HRH1: variants seen among roughly 807,000 people sequenced by gnomAD.
HRH1 encodes the protein histamine H1 receptor.
HRH1 carries 6 observed loss-of-function variants against 10.3 expected under a neutral mutation model. The observed-to-expected ratio is 0.58, with a 90% CI of 0.32 to 1.15. The LOEUF (loss-of-function observed/expected upper bound fraction) is 1.15. HRH1 is among the 50% of genes most tolerant of loss of function. The pLI, the probability that HRH1 is intolerant of heterozygous loss-of-function variation, is 0.05. For missense variants in HRH1, 514 were observed against 615.3 expected, an observed-to-expected ratio of 0.84 and a Z score of 1.74; for synonymous variants, 242 against 236.7, an observed-to-expected ratio of 1.02 and a Z score of -0.21.
At chr3:11,140,601 G>T (rs138825221) in intron 1 of HRH1, among the ~76,000 whole-genome samples, 1 of 152,120 alleles carries the variant, frequency 6.6e-6, no homozygotes, top group Non-Finnish European at 1.5e-5. Context: ...CCCTGCTCGC[G>T]GGTGACCTCT....
At chr3:11,160,552 C>G (rs1423353197) in intron 1 of HRH1, among the ~76,000 whole-genome samples, 2 of 139,248 alleles carry the variant, frequency 1.4e-5, no homozygotes, top group Non-Finnish European at 3.0e-5. Context: ...ACATACTTAA[C>G]CAAGGTCCTC....
chr3:11,174,303 GA>G (rs1369959667), intron 1 of HRH1, among the ~76,000 whole-genome samples: 2 of 152,196 alleles, frequency 1.3e-5, no homozygotes, highest in Admixed American at 6.5e-5. Context: ...ACCTTCTAGG[GA>G]TTTCTAATAA....
intron 1 of HRH1, among the ~76,000 whole-genome samples, chr3:11,180,598 C>T (rs1937333716): frequency 6.6e-6 from 1 of 152,078 alleles, no homozygotes; most frequent in Non-Finnish European, 1.5e-5. Flanking sequence ...GGTTGGGTAC[C>T]CCTGTCCTAT....
At chr3:11,192,170 CGTT>C (rs1258371156) in intron 1 of HRH1, among the ~76,000 whole-genome samples, 3 of 152,304 alleles carry the variant, frequency 2.0e-5, no homozygotes, top group African/African-American at 7.2e-5. Flanking sequence ...AGTATACACA[CGTT>C]GTATGCACAG....
At chr3:11,152,768 A>G (rs1052965190), upstream of HRH1, among the ~76,000 whole-genome samples, 1 of 152,016 alleles carries the variant, frequency 6.6e-6, no homozygotes, top group Admixed American at 6.5e-5. Flanking sequence ...GGTAAAGTGT[A>G]AAATATGGAG....
At chr3:11,190,282 C>T (rs921144049) in intron 1 of HRH1, among the ~76,000 whole-genome samples, 11 of 151,860 alleles carry the variant, frequency 7.2e-5, no homozygotes, top group African/African-American at 1.7e-4. Context: ...GAGGCCAAGG[C>T]GGGAGGATTG....
intron 1 of HRH1, among the ~76,000 whole-genome samples, chr3:11,211,572 A>C (rs540844072): frequency 2.6e-5 from 4 of 152,352 alleles, no homozygotes; most frequent in African/African-American, 9.6e-5. Flanking sequence ...TCCAAGACCC[A>C]GGGCAGCTCC....
At chr3:11,140,281 AAGG>A (rs1936266959) in intron 1 of HRH1, among the ~76,000 whole-genome samples, 1 of 152,098 alleles carries the variant, frequency 6.6e-6, no homozygotes, top group Non-Finnish European at 1.5e-5. Context: ...CCCCTCCCCC[AAGG>A]AGAACTAAAT....
intron 1 of HRH1, among the ~76,000 whole-genome samples, chr3:11,246,055 TAC>T (rs1246574854): frequency 1.3e-5 from 2 of 151,022 alleles, no homozygotes; most frequent in East Asian, 3.9e-4. Flanking sequence ...TTCACACACA[TAC>T]ACACAGACTC....
chr3:11,171,408 G>C (rs1937148643), intron 1 of HRH1, among the ~76,000 whole-genome samples: 1 of 152,196 alleles, frequency 6.6e-6, no homozygotes, highest in Non-Finnish European at 1.5e-5. Flanking sequence ...AAGCTACTGT[G>C]CCTGGCCAGG....
intron 1 of HRH1, among the ~76,000 whole-genome samples, chr3:11,235,266 A>T (rs1939150006): frequency 6.6e-6 from 1 of 152,162 alleles, no homozygotes; most frequent in Non-Finnish European, 1.5e-5. Context: ...GATGTGAAAA[A>T]TGATTTTCAA....
upstream of HRH1, among the ~76,000 whole-genome samples, chr3:11,150,623 G>A (rs1364607553): frequency 5.3e-5 from 8 of 152,234 alleles, no homozygotes. Context: ...GACTCCCTTG[G>A]TTAGTGGAGG....
intron 1 of HRH1, among the ~76,000 whole-genome samples, chr3:11,234,826 T>C (rs1272223866): frequency 6.6e-6 from 1 of 152,212 alleles, no homozygotes; most frequent in Non-Finnish European, 1.5e-5. Flanking sequence ...CCATTGCTGC[T>C]TCTTTATATT....
intron 1 of HRH1, among the ~76,000 whole-genome samples, chr3:11,148,438 T>C (rs1936512299): frequency 6.6e-6 from 1 of 152,006 alleles, no homozygotes; most frequent in Non-Finnish European, 1.5e-5. Context: ...GTCTTTATCA[T>C]GTAAAAAAAA....
intron 1 of HRH1, among the ~76,000 whole-genome samples, chr3:11,163,147 C>T (rs549392318): frequency 6.6e-6 from 1 of 152,224 alleles, no homozygotes; most frequent in East Asian, 1.9e-4. Flanking sequence ...TGCTGCACCG[C>T]GTGTTTCCCG....
intron 1 of HRH1, among the ~76,000 whole-genome samples, chr3:11,213,817 G>T (rs1464216969): frequency 1.3e-5 from 2 of 152,232 alleles, no homozygotes; most frequent in Admixed American, 1.3e-4. Context: ...CACACTCAAA[G>T]CTCTCGATAA....
chr3:11,196,568 G>C (rs1392392293), intron 1 of HRH1, among the ~76,000 whole-genome samples: 1 of 152,018 alleles, frequency 6.6e-6, no homozygotes, highest in African/African-American at 2.4e-5. Context: ...TTATGATAGG[G>C]ACATGCCTGT....
At chr3:11,196,848 G>A (rs778756576) in intron 1 of HRH1, among the ~76,000 whole-genome samples, 3 of 150,804 alleles carry the variant, frequency 2.0e-5, no homozygotes, top group Non-Finnish European at 2.9e-5. Context: ...GGTAGCTCAC[G>A]CCTGTAATCC....
At chr3:11,253,802 T>G (rs2152587700) in intron 1 of HRH1, among the ~76,000 whole-genome samples, 1 of 152,304 alleles carries the variant, frequency 6.6e-6, no homozygotes, top group East Asian at 1.9e-4. Flanking sequence ...TTTCTTCTCC[T>G]GAGAATAAGA....
Sources: allele counts gnomAD v4.1 joint callset (sites outside exome capture counted in the v4.1 genomes callset), GRCh38; gene constraint gnomAD v4.1.1; transcripts MANE v1.5; gene names NCBI Gene and HGNC (gene_info 2026-07-23, HGNC 2026-07-21).